The following CSMD1 variants were observed in gnomAD, a reference collection of about 807,000 sequenced individuals.
CSMD1 encodes the protein CUB and Sushi multiple domains 1, also known as CUB and sushi domain-containing protein 1.
In CSMD1, 213 loss-of-function variants were observed where a neutral mutation model predicts 417.5. That is an observed-to-expected ratio of 0.51 (90% CI 0.46 to 0.57). The LOEUF is 0.57. CSMD1 is among the 20% of genes least tolerant of loss of function. The pLI, the probability that CSMD1 is intolerant of heterozygous loss-of-function variation, is 0.00. For synonymous variants in CSMD1, 2,862 were observed against 1,736.8 expected (o/e 1.65, Z -16.11); for missense variants, 6,923 against 4,529.7 (o/e 1.53, Z -15.17).
At chr8:3,424,136 T>A (rs1813671349) in intron 12 of CSMD1, among the ~76,000 whole-genome samples, 1 of 152,200 alleles carries the variant, frequency 6.6e-6, no homozygotes, top group African/African-American at 2.4e-5. Flanking sequence ...GGAAGCTCAT[T>A]TGTATCTAAG....
At chr8:4,605,989 C>G (rs1800847283) in intron 2 of CSMD1, among the ~76,000 whole-genome samples, 1 of 152,128 alleles carries the variant, frequency 6.6e-6, no homozygotes, top group African/African-American at 2.4e-5. Context: ...AAAGCCAGGC[C>G]TTATGAAATA....
intron 2 of CSMD1, among the ~76,000 whole-genome samples, chr8:4,442,205 T>C (rs908119292): frequency 6.6e-5 from 10 of 152,198 alleles, no homozygotes; most frequent in African/African-American, 2.2e-4. Flanking sequence ...CAAATCTTTA[T>C]AGCAGACATG....
At chr8:2,958,515 T>C (rs1300220046) in intron 62 of CSMD1, among the ~76,000 whole-genome samples, 1 of 152,230 alleles carries the variant, frequency 6.6e-6, no homozygotes, top group East Asian at 1.9e-4. Context: ...CAGAGGTGCC[T>C]TGAGGGGCAG....
intron 5 of CSMD1, among the ~76,000 whole-genome samples, chr8:3,926,042 C>G (rs1257168651): frequency 2.0e-5 from 2 of 102,376 alleles, no homozygotes; most frequent in African/African-American, 8.4e-5. Flanking sequence ...CACACACACA[C>G]AAACACCATA....
chr8:3,627,357 C>T (rs138701437), intron 7 of CSMD1, among the ~76,000 whole-genome samples: 234 of 152,248 alleles, frequency 1.5e-3, no homozygotes, highest in Non-Finnish European at 2.5e-3. Context: ...TTCAATTTCA[C>T]AGATCATGAA....
chr8:3,635,685 G>A (rs1333272689), intron 7 of CSMD1, among the ~76,000 whole-genome samples: 14 of 149,916 alleles, frequency 9.3e-5, no homozygotes, highest in African/African-American at 2.7e-4. Flanking sequence ...GGGATTCACT[G>A]TGTTAGCCAG....
At chr8:4,400,735 C>A (rs1189217936) in intron 3 of CSMD1, among the ~76,000 whole-genome samples, 1 of 147,930 alleles carries the variant, frequency 6.8e-6, no homozygotes, top group African/African-American at 2.5e-5. Flanking sequence ...CTAAGAGTTT[C>A]TCTCTAATAG....
chr8:3,295,579 G>A (rs374028846), intron 25 of CSMD1, among the ~76,000 whole-genome samples: 10 of 152,282 alleles, frequency 6.6e-5, no homozygotes, highest in Admixed American at 3.3e-4. Flanking sequence ...ACGTGGTACC[G>A]CACTGTATAT....
In CSMD1 at chr8:3,851,097, A is replaced by G. The variant is rs142660767; in HGVS notation, c.819-97055T>C. On this transcript the variant is annotated intron_variant, in intron 5 of 69. Coordinates refer to ENST00000635120, the MANE Select transcript of CSMD1 (RefSeq NM_033225.6). ...CAAATCTATTTAGGTATAATTCTAG[A>G]TATCATTAAAGATGAATTGTTTTCC... Among the ~76,000 whole-genome samples the G allele has an allele frequency of 3.7e-3, 568 of 152,354 alleles. 15 individuals are homozygous for G. The highest frequency in any genetic ancestry group is 0.019 in the South Asian group (94 of 4,830).
chr8:4,540,758 T>G (rs1455767519), intron 2 of CSMD1, among the ~76,000 whole-genome samples: 3 of 152,084 alleles, frequency 2.0e-5, no homozygotes, highest in African/African-American at 7.2e-5. Context: ...GCTGTCCACT[T>G]ACCTTAATCA....
At chr8:3,382,961 A>T (rs575326943) in intron 18 of CSMD1, among the ~76,000 whole-genome samples, 228 of 152,324 alleles carry the variant, frequency 1.5e-3, no homozygotes, top group African/African-American at 5.2e-3. Flanking sequence ...TGATGCTCAC[A>T]GGCATGGCCA....
At chr8:3,780,519 G>A (rs773810788) in intron 5 of CSMD1, among the ~76,000 whole-genome samples, 4 of 152,134 alleles carry the variant, frequency 2.6e-5, no homozygotes, top group African/African-American at 4.8e-5. Context: ...AATTTTTGTG[G>A]TACTACTGAA....
intron 3 of CSMD1, among the ~76,000 whole-genome samples, chr8:4,094,329 C>T (rs975040597): frequency 2.0e-5 from 3 of 151,986 alleles, no homozygotes; most frequent in Admixed American, 1.3e-4. Flanking sequence ...GGAACCCAGG[C>T]CAGAGGTGGC....
rs139026825 is a variant in CSMD1 at position 3,626,910 on chromosome 8, G to A, written c.1010-10113C>T. 6.6e-3 allele frequency among the ~76,000 whole-genome samples: 984 copies of A among 149,928 alleles called. 7 individuals carry two copies. The highest frequency in any genetic ancestry group is 0.023 in the African/African-American group (944 of 41,022). ...TTAATAAATTAATATTTAATATTAA[G>A]GCTTTATTAAATATTAGTATATTAT... is the stretch of plus-strand genomic sequence containing the variant. On this transcript the variant is annotated intron_variant, in intron 7 of 69. Coordinates refer to ENST00000635120, the MANE Select transcript of CSMD1 (RefSeq NM_033225.6).
At chr8:3,441,716 G>A (rs142182557) in intron 12 of CSMD1, among the ~76,000 whole-genome samples, 1 of 152,122 alleles carries the variant, frequency 6.6e-6, no homozygotes, top group Non-Finnish European at 1.5e-5. Context: ...CCAGCCATGT[G>A]AAAGCGGAGC....
rs772511302 is a variant in CSMD1 at position 2,962,600 on chromosome 8, C to A, written c.9494G>T (p.Arg3165Leu). ...ATAGGTGAAACTTTTCCCACTAAGT[C>A]GCCCTTCTGCGGGGATGCCAGGGTC... ...CGDPGIPAEGRLSGKSFTYKS... is the reference protein window; with the variant it reads ...CGDPGIPAEGLLSGKSFTYKS... Residue 3165 changes from arginine to leucine, a missense_variant, in exon 61 of 70, where the codon CGA becomes CTA. Transcript: ENST00000635120. 1.9e-6 allele frequency: 3 copies of A among 1,613,824 alleles called. No individual in the cohort carries two copies. Among genetic ancestry groups the A allele is most frequent in the East Asian group, 4.5e-5 (2 of 44,842 alleles).
intron 49 of CSMD1, among the ~76,000 whole-genome samples, chr8:3,056,128 CTG>C (rs1267472528): frequency 1.3e-5 from 2 of 152,198 alleles, no homozygotes; most frequent in Non-Finnish European, 2.9e-5. Context: ...GATTAACTCT[CTG>C]TTATCTACTT....
intron 3 of CSMD1, among the ~76,000 whole-genome samples, chr8:4,282,573 T>G (rs1295139177): frequency 6.6e-6 from 1 of 152,236 alleles, no homozygotes; most frequent in African/African-American, 2.4e-5. Context: ...TAAAATTATC[T>G]TAAATGAATT....
intron 3 of CSMD1, among the ~76,000 whole-genome samples, chr8:4,045,318 G>A (rs914950673): frequency 1.3e-5 from 2 of 152,184 alleles, no homozygotes; most frequent in African/African-American, 2.4e-5. Flanking sequence ...GGTTAGGCAG[G>A]TAAAAGGACC....
Sources: gnomAD v4.1 joint callset for allele counts (sites outside exome capture counted in the v4.1 genomes callset) on GRCh38, gnomAD v4.1.1 for gene constraint, MANE v1.5 for transcripts, NCBI Gene and HGNC (gene_info 2026-07-23, HGNC 2026-07-21) for gene names.